SSH2: variants seen among roughly 807,000 people sequenced by gnomAD.
The protein encoded by SSH2 is protein phosphatase Slingshot homolog 2.
Under a neutral mutation model 135.2 loss-of-function variants are expected in SSH2, and 37 were observed. The ratio of observed to expected loss-of-function variants is 0.27; its 90% confidence interval spans 0.21 to 0.36. The LOEUF (loss-of-function observed/expected upper bound fraction) is 0.36. SSH2 is among the 10% of genes least tolerant of loss of function. The probability of loss-of-function intolerance (pLI) is 1.00; values close to 1 mark genes in which losing one functional copy is unlikely to be tolerated. For synonymous variants in SSH2, 628 were observed against 646.2 expected (o/e 0.97, Z 0.43); for missense variants, 1,408 against 1,765.3 (o/e 0.80, Z 3.63).
At chr17:29,849,560 T>C (rs1180970101) in intron 1 of SSH2, among the ~76,000 whole-genome samples, 1 of 151,652 alleles carries the variant, frequency 6.6e-6, no homozygotes, top group East Asian at 1.9e-4. Context: ...TGGGGATAGA[T>C]TTGTGTTCAT....
intron 3 of SSH2, among the ~76,000 whole-genome samples, chr17:29,715,004 T>G (rs924977579): frequency 6.6e-6 from 1 of 151,832 alleles, no homozygotes; most frequent in Non-Finnish European, 1.5e-5. Context: ...GTAGCTGGGA[T>G]TACAGGCACG....
intron 1 of SSH2, among the ~76,000 whole-genome samples, chr17:29,862,130 G>A: frequency 6.6e-6 from 1 of 152,158 alleles, no homozygotes; most frequent in Non-Finnish European, 1.5e-5. Flanking sequence ...TTTGCAAATT[G>A]TCTAGTATTA....
Position 29,837,605 on chromosome 17 carries a change from A to AG in SSH2, c.144+11243dup, listed in dbSNP as rs2042964477. Among the ~76,000 whole-genome samples the AG allele has an allele frequency of 2.6e-5, 4 of 152,164 alleles. No individual in the cohort carries two copies. The East Asian group carries it at 7.7e-4, about 29-fold the overall frequency. On this transcript the variant is annotated intron_variant, in intron 2 of 15. Coordinates refer to ENST00000540801, the MANE Select transcript of SSH2 (RefSeq NM_001282129.2). ...CACCCCCACCCTCGCACGGCTGGTC[A>AG]GGACCCACTCTCCCAGGCCCAGAGC... is the stretch of plus-strand genomic sequence containing the variant.
intron 1 of SSH2, among the ~76,000 whole-genome samples, chr17:29,915,788 G>A (rs1269950363): frequency 6.6e-6 from 1 of 151,364 alleles, no homozygotes; most frequent in Non-Finnish European, 1.5e-5. Flanking sequence ...AAAAAATGAA[G>A]CCATTATGAA....
intron 1 of SSH2, among the ~76,000 whole-genome samples, chr17:29,889,787 A>C (rs531033681): frequency 2.2e-5 from 3 of 138,986 alleles, no homozygotes; most frequent in South Asian, 2.4e-4. Context: ...CAACACAGTG[A>C]GGCCCCATCT....
intron 1 of SSH2, among the ~76,000 whole-genome samples, chr17:29,850,280 T>C (rs965807422): frequency 2.0e-5 from 3 of 152,156 alleles, no homozygotes; most frequent in Non-Finnish European, 2.9e-5. Flanking sequence ...TTAGATTCTA[T>C]TCAAATGTTT....
intron 1 of SSH2, among the ~76,000 whole-genome samples, chr17:29,914,244 G>C (rs994528676): frequency 6.6e-6 from 1 of 152,092 alleles, no homozygotes; most frequent in African/African-American, 2.4e-5. Flanking sequence ...TTCAAGAAAT[G>C]ACACACCTAT....
chr17:29,748,172 G>A (rs528218739), intron 3 of SSH2, among the ~76,000 whole-genome samples: 1 of 152,136 alleles, frequency 6.6e-6, no homozygotes, highest in Non-Finnish European at 1.5e-5. Flanking sequence ...CCAAAGTTGA[G>A]AGCTCTTTTT....
intron 3 of SSH2, among the ~76,000 whole-genome samples, chr17:29,781,966 C>T (rs2041852457): frequency 6.6e-6 from 1 of 151,956 alleles, no homozygotes; most frequent in Non-Finnish European, 1.5e-5. Flanking sequence ...CTGCCTCAGC[C>T]TCCAGAATAG....
intron 1 of SSH2, among the ~76,000 whole-genome samples, chr17:29,895,075 C>A (rs1313707219): frequency 6.6e-6 from 1 of 151,000 alleles, no homozygotes. Context: ...TGTATTTCTA[C>A]AAATGGCTAT....
At chr17:29,729,559 T>C (rs545321433) in intron 3 of SSH2, among the ~76,000 whole-genome samples, 1 of 152,180 alleles carries the variant, frequency 6.6e-6, no homozygotes, top group East Asian at 1.9e-4. Context: ...AGAAAGGAAA[T>C]CAGTATAAAA....
chr17:29,761,408 A>T (rs773394913), intron 3 of SSH2: 5 of 1,058,710 alleles, frequency 4.7e-6, no homozygotes, highest in South Asian at 5.0e-5. Flanking sequence ...CCGAAGCCCC[A>T]GGGCTCGGCG....
intron 2 of SSH2, among the ~76,000 whole-genome samples, chr17:29,805,193 T>C (rs2042319524): frequency 1.3e-5 from 2 of 152,094 alleles, no homozygotes; most frequent in Non-Finnish European, 2.9e-5. Flanking sequence ...TCTCATTCTG[T>C]TGCCCAGGCT....
At chr17:29,668,785 G>T (rs999593699) in intron 9 of SSH2, among the ~76,000 whole-genome samples, 6 of 152,090 alleles carry the variant, frequency 3.9e-5, no homozygotes, top group African/African-American at 1.2e-4. Context: ...GTGTTCATGG[G>T]TCAGATTCCC....
intron 3 of SSH2, among the ~76,000 whole-genome samples, chr17:29,790,575 C>T (rs903356343): frequency 6.6e-6 from 1 of 152,062 alleles, no homozygotes; most frequent in African/African-American, 2.4e-5. Flanking sequence ...CAAATATTTT[C>T]TTCTGTTCCA....
At chr17:29,745,326 A>AT (rs1382157181) in intron 3 of SSH2, among the ~76,000 whole-genome samples, 2 of 151,786 alleles carry the variant, frequency 1.3e-5, no homozygotes, top group Admixed American at 1.3e-4. Context: ...CACCCGGCTA[A>AT]TTTTTGTATT....
chr17:29,764,335 T>C (rs746021796), intron 3 of SSH2, among the ~76,000 whole-genome samples: 2 of 152,370 alleles, frequency 1.3e-5, no homozygotes, highest in South Asian at 2.1e-4. Context: ...TGCTACTGTA[T>C]GTTTTTAAAA....
chr17:29,769,337 A>G (rs568076666), intron 3 of SSH2, among the ~76,000 whole-genome samples: 1 of 152,294 alleles, frequency 6.6e-6, no homozygotes, highest in South Asian at 2.1e-4. Flanking sequence ...TTAAATACCT[A>G]CCTGACTGCA....
chr17:29,848,713 T>C, intron 2 of SSH2, 136 bp downstream of exon 2: 1 of 539,472 alleles, frequency 1.9e-6, no homozygotes, highest in Non-Finnish European at 3.2e-6. Flanking sequence ...CCTATTTGCC[T>C]TCCCAGACAT....
Sources: allele counts gnomAD v4.1 joint callset (sites outside exome capture counted in the v4.1 genomes callset), GRCh38; gene constraint gnomAD v4.1.1; transcripts MANE v1.5; gene names NCBI Gene and HGNC (gene_info 2026-07-23, HGNC 2026-07-21).